Variants in GALNTL6 observed in about 807,000 individuals in gnomAD.
The protein encoded by GALNTL6 is polypeptide N-acetylgalactosaminyltransferase-like 6.
Under a neutral mutation model 73.7 loss-of-function variants are expected in GALNTL6, and 46 were observed. The ratio of observed to expected loss-of-function variants is 0.62; its 90% confidence interval spans 0.49 to 0.80. The LOEUF is 0.80. GALNTL6 is among the 30% of genes least tolerant of loss of function. The pLI is 0.00. For synonymous variants in GALNTL6, 259 were observed against 263.7 expected, an observed-to-expected ratio of 0.98 and a Z score of 0.17; for missense variants, 604 against 755.0, an observed-to-expected ratio of 0.80 and a Z score of 2.34.
At chr4:172,407,262 G>C (rs1303558202) in intron 5 of GALNTL6, among the ~76,000 whole-genome samples, 1 of 152,000 alleles carries the variant, frequency 6.6e-6, no homozygotes, top group African/African-American at 2.4e-5. Flanking sequence ...ATCTGATTTA[G>C]GGTGTAAGCA....
At chr4:172,170,167 G>A (rs1211380804) in intron 2 of GALNTL6, among the ~76,000 whole-genome samples, 2 of 152,088 alleles carry the variant, frequency 1.3e-5, no homozygotes, top group Non-Finnish European at 2.9e-5. Flanking sequence ...CACTGATATG[G>A]TTTGGCTGTG....
intron 10 of GALNTL6, among the ~76,000 whole-genome samples, chr4:172,972,027 G>C (rs1192318308): frequency 6.6e-6 from 1 of 151,994 alleles, no homozygotes; most frequent in Non-Finnish European, 1.5e-5. Flanking sequence ...AGAAAGAAGG[G>C]TTTGAGATCT....
chr4:172,139,576 T>C (rs1343599728), intron 2 of GALNTL6, among the ~76,000 whole-genome samples: 1 of 152,160 alleles, frequency 6.6e-6, no homozygotes, highest in Non-Finnish European at 1.5e-5. Flanking sequence ...CAGGATGAAA[T>C]CCTTTATATT....
chr4:172,435,668 T>C (rs530335463), intron 5 of GALNTL6, among the ~76,000 whole-genome samples: 1 of 152,272 alleles, frequency 6.6e-6, no homozygotes, highest in Non-Finnish European at 1.5e-5. Context: ...AGAACAAGTA[T>C]CTTTCATAAT....
In GALNTL6 at chr4:172,807,002, G is replaced by A. The variant is rs190161029; in HGVS notation, c.554-2359G>A. On this transcript the variant is annotated intron_variant, in intron 5 of 12. Transcript: ENST00000506823. ...TTTCAAGACGCTGACACATAACGGC[G>A]TCCTTGTATTGGTCACTCATCGCTT... is the stretch of plus-strand genomic sequence containing the variant. 5.9e-5 allele frequency among the ~76,000 whole-genome samples: 9 copies of A among 152,266 alleles called. No homozygotes were observed. In the South Asian group the frequency reaches 6.2e-4, roughly 11 times the overall value.
chr4:172,211,115 G>T (rs534969230), intron 2 of GALNTL6, among the ~76,000 whole-genome samples: 1 of 151,976 alleles, frequency 6.6e-6, no homozygotes, highest in African/African-American at 2.4e-5. Context: ...TTATTTATTC[G>T]TTTCTTGAGC....
At chr4:172,740,956 G>A (rs1736768798) in intron 5 of GALNTL6, among the ~76,000 whole-genome samples, 1 of 152,074 alleles carries the variant, frequency 6.6e-6, no homozygotes, top group Non-Finnish European at 1.5e-5. Flanking sequence ...GTGTTGAATG[G>A]CCAATTAAAG....
intron 9 of GALNTL6, among the ~76,000 whole-genome samples, chr4:172,949,036 A>G (rs778846242): frequency 2.0e-5 from 3 of 152,216 alleles, no homozygotes; most frequent in Non-Finnish European, 4.4e-5. Context: ...AATAATTGCC[A>G]TATCTATTTC....
intron 2 of GALNTL6, among the ~76,000 whole-genome samples, chr4:171,935,072 T>A (rs1044465505): frequency 2.6e-5 from 4 of 152,156 alleles, no homozygotes; most frequent in Non-Finnish European, 5.9e-5. Flanking sequence ...TGTATCACTT[T>A]TTTTTGCAGG....
intron 5 of GALNTL6, among the ~76,000 whole-genome samples, chr4:172,522,818 T>G (rs1238993409): frequency 6.6e-6 from 1 of 152,208 alleles, no homozygotes; most frequent in African/African-American, 2.4e-5. Flanking sequence ...TCTTATGATA[T>G]CTAATACATA....
intron 2 of GALNTL6, among the ~76,000 whole-genome samples, chr4:172,172,102 A>G (rs1398379458): frequency 6.6e-6 from 1 of 152,220 alleles, no homozygotes. Flanking sequence ...ATTTGTAGAT[A>G]GGGCCTTTAA....
intron 8 of GALNTL6, among the ~76,000 whole-genome samples, chr4:172,914,287 C>G (rs1410237115): frequency 6.6e-6 from 1 of 152,184 alleles, no homozygotes; most frequent in Non-Finnish European, 1.5e-5. Flanking sequence ...CCAGCCACTT[C>G]ATAAACATGC....
At chr4:171,936,260 C>G (rs1738342707) in intron 2 of GALNTL6, among the ~76,000 whole-genome samples, 1 of 152,012 alleles carries the variant, frequency 6.6e-6, no homozygotes. Context: ...CAAGTGGGTA[C>G]AAAAACCTGT....
At position 172,809,130 on chromosome 4, in the gene GALNTL6, G is replaced by A. The variant is rs1284379375; in HGVS notation, c.554-231G>A. Reference sequence around the variant, plus strand: ...AGCAGTAACTGCATAACAGACCTCTGGCATGTCAGTGACTTTTGTGTTCAA... The same window carrying A: ...AGCAGTAACTGCATAACAGACCTCTAGCATGTCAGTGACTTTTGTGTTCAA... On this transcript the variant is annotated intron_variant, in intron 5 of 12. Transcript: ENST00000506823. This position sits in a 1 kb window ranked among gnomAD's most constrained non-coding sequence, Gnocchi z 4.4. Among the ~76,000 whole-genome samples, 2 of 152,070 alleles carry A rather than the reference G, an allele frequency of 1.3e-5. No homozygotes were observed. Among genetic ancestry groups the A allele is most frequent in the East Asian group, 3.9e-4 (2 of 5,192 alleles).
chr4:172,435,992 T>C (rs113740490), intron 5 of GALNTL6, among the ~76,000 whole-genome samples: 1,046 of 93,416 alleles, frequency 0.011, 16 homozygotes, highest in South Asian at 0.038. Flanking sequence ...GTAAGAAAGT[T>C]CAATACCTTA....
chr4:171,979,328 T>G (rs190558975), intron 2 of GALNTL6, among the ~76,000 whole-genome samples: 38 of 152,320 alleles, frequency 2.5e-4, no homozygotes, highest in Admixed American at 7.2e-4. Context: ...TTTCATACTT[T>G]GAGTATACTT....
At chr4:172,514,537 T>C (rs1734534151) in intron 5 of GALNTL6, among the ~76,000 whole-genome samples, 1 of 152,194 alleles carries the variant, frequency 6.6e-6, no homozygotes, top group African/African-American at 2.4e-5. Context: ...GGCTTTCAGC[T>C]TCACCTCTCC....
intron 5 of GALNTL6, among the ~76,000 whole-genome samples, chr4:172,370,788 G>T (rs890143819): frequency 2.0e-5 from 3 of 152,086 alleles, no homozygotes; most frequent in African/African-American, 4.8e-5. Context: ...TTCTCAGCAG[G>T]GGGGAGGTCT....
chr4:172,491,872 T>C (rs948952907), intron 5 of GALNTL6, among the ~76,000 whole-genome samples: 4 of 152,168 alleles, frequency 2.6e-5, no homozygotes, highest in African/African-American at 9.7e-5. Context: ...AAAAGAAATA[T>C]GGAAATTGAA....
Sources: gnomAD v4.1 joint callset for allele counts (sites outside exome capture counted in the v4.1 genomes callset) on GRCh38, gnomAD v4.1.1 for gene constraint, Gnocchi (gnomAD v3.1) non-coding constraint, MANE v1.5 for transcripts, NCBI Gene and HGNC (gene_info 2026-07-23, HGNC 2026-07-21) for gene names.